Variants in IREB2 observed in about 807,000 individuals in gnomAD.
IREB2 encodes iron-responsive element-binding protein 2.
In IREB2, 39 loss-of-function variants were observed where a neutral mutation model predicts 118.8. That is an observed-to-expected ratio of 0.33 (90% CI 0.25 to 0.43). The LOEUF is 0.43. Among genes scored for constraint, IREB2 ranks in the 20% least tolerant of loss-of-function variants. IREB2 has a pLI of 1.00. For synonymous variants in IREB2, 372 were observed against 392.2 expected, an observed-to-expected ratio of 0.95 and a Z score of 0.61; for missense variants, 900 against 1,147.3, an observed-to-expected ratio of 0.78 and a Z score of 3.11.
rs2051415605 is a variant in IREB2, at chr15:78,473,566, A to C, written c.1023+185A>C. 13 of 563,248 alleles carry C rather than the reference A, an allele frequency of 2.3e-5. No homozygotes were observed. The South Asian group carries it at 3.0e-4, about 13-fold the overall frequency. The allele number at this position is 563,248 out of a possible 1,614,324, so 34.9% of individuals were successfully genotyped here. On this transcript the variant is annotated intron_variant, in intron 8 of 21. Transcript: ENST00000258886. ...GCATTTAGTTTGTACTAATAAATACAAAGAAATTTGTTGTGTTCACTTATG... is the reference window on the plus strand; with the variant it reads ...GCATTTAGTTTGTACTAATAAATACCAAGAAATTTGTTGTGTTCACTTATG...
chr15:78,469,726 A>G (rs1010976746), intron 5 of IREB2, among the ~76,000 whole-genome samples: 3 of 151,186 alleles, frequency 2.0e-5, no homozygotes, highest in African/African-American at 7.3e-5. Flanking sequence ...CTCCGTCTCA[A>G]AAAAAAAAGG....
intron 7 of IREB2, among the ~76,000 whole-genome samples, chr15:78,472,735 C>T (rs902414923): frequency 3.9e-5 from 6 of 152,166 alleles, no homozygotes; most frequent in East Asian, 1.9e-4. Flanking sequence ...TTCTGCCGAC[C>T]GTGACTTTGT....
intron 2 of IREB2, among the ~76,000 whole-genome samples, chr15:78,447,477 C>T (rs1365588071): frequency 3.3e-5 from 5 of 151,974 alleles, no homozygotes; most frequent in Non-Finnish European, 7.4e-5. Flanking sequence ...ATTACAGGTG[C>T]GTGCCACCAT....
intron 4 of IREB2, 81 bp downstream of exon 4, chr15:78,465,469 A>C (rs1480154813): frequency 1.6e-6 from 2 of 1,283,098 alleles, no homozygotes; most frequent in Non-Finnish European, 2.2e-6. Context: ...AGGAATAGAG[A>C]TAATTTATGG....
chr15:78,492,221 T>C (rs1161479141), intron 18 of IREB2, among the ~76,000 whole-genome samples: 1 of 152,186 alleles, frequency 6.6e-6, no homozygotes, highest in Non-Finnish European at 1.5e-5. Context: ...TAAAAAGTTA[T>C]ATATGGTCAC....
intron 2 of IREB2, among the ~76,000 whole-genome samples, chr15:78,447,119 G>A (rs80151116): frequency 6.6e-6 from 1 of 151,928 alleles, no homozygotes; most frequent in African/African-American, 2.4e-5. Context: ...TAGAACCCAT[G>A]ATTCTGGCTT....
rs2051699009 is a variant in IREB2 at position 78,488,632 on chromosome 15, A to C, written c.1952-15A>C. 6.3e-7 allele frequency: 1 copy of C among 1,583,684 alleles called. No homozygotes were observed. Among genetic ancestry groups the C allele is most frequent in the Admixed American group, 2.0e-5 (1 of 50,400 alleles). On this transcript the variant is annotated splice_polypyrimidine_tract_variant and intron_variant, in intron 15 of 21. Coordinates refer to ENST00000258886, the MANE Select transcript of IREB2 (RefSeq NM_004136.4). ...TATTTTTTTACTGAGTATCATGTTC[A>C]AAAATTTTAACCAGGTACTGACCCC...
chr15:78,460,391 C>G (rs1000379954), intron 2 of IREB2, among the ~76,000 whole-genome samples: 2 of 152,172 alleles, frequency 1.3e-5, no homozygotes, highest in Non-Finnish European at 2.9e-5. Flanking sequence ...CCTAGCAACT[C>G]TCATTGGTGA....
intron 2 of IREB2, among the ~76,000 whole-genome samples, chr15:78,458,666 A>G (rs912404739): frequency 6.6e-6 from 1 of 151,928 alleles, no homozygotes; most frequent in African/African-American, 2.4e-5. Flanking sequence ...CCCTCATAGC[A>G]CCTGCCACTG....
intron 9 of IREB2, among the ~76,000 whole-genome samples, chr15:78,476,865 C>A (rs1362720440): frequency 6.6e-6 from 1 of 152,170 alleles, no homozygotes; most frequent in Non-Finnish European, 1.5e-5. Context: ...CTTCCATTGG[C>A]TGTTTAGATT....
At chr15:78,495,546 A>G (rs1459891634) in intron 20 of IREB2, among the ~76,000 whole-genome samples, 1 of 152,164 alleles carries the variant, frequency 6.6e-6, no homozygotes, top group Non-Finnish European at 1.5e-5. Flanking sequence ...CTCTGAGGCC[A>G]TTCAGTTTCT....
In IREB2 at chr15:78,494,071, A is replaced by G; in HGVS notation, c.2472+15A>G. 1 of 1,613,610 alleles carries G rather than the reference A, an allele frequency of 6.2e-7. No homozygotes were observed. Among genetic ancestry groups the G allele is most frequent in the Non-Finnish European group, 8.5e-7 (1 of 1,179,822 alleles). ...CAGGACAGACGGTGAGAATGCAAAC[A>G]AAGTATTTAGACAATTTATAACTGG... On this transcript the variant is annotated intron_variant, in intron 19 of 21. Transcript: ENST00000258886.
chr15:78,461,760 A>G (rs2009746), intron 2 of IREB2, among the ~76,000 whole-genome samples: 43,712 of 152,096 alleles, frequency 0.29, 6,717 homozygotes, highest in Middle Eastern at 0.4. Context: ...AGCTCTCATT[A>G]GCTACTCTGA....
At chr15:78,455,759 A>T (rs2141464807) in intron 2 of IREB2, among the ~76,000 whole-genome samples, 1 of 152,320 alleles carries the variant, frequency 6.6e-6, no homozygotes, top group East Asian at 1.9e-4. Flanking sequence ...ACTGCAGATG[A>T]TATTGTTGGA....
At chr15:78,483,083 T>C (rs2141510318) in intron 10 of IREB2, among the ~76,000 whole-genome samples, 1 of 152,302 alleles carries the variant, frequency 6.6e-6, no homozygotes, top group South Asian at 2.1e-4. Flanking sequence ...GGTAGTTTAA[T>C]TGCATACTGA....
rs760469995 is a variant in IREB2 at position 78,490,776 on chromosome 15, C to T, written c.2324+15C>T. 1 of 1,605,266 alleles carries T rather than the reference C, an allele frequency of 6.2e-7. No individual in the cohort carries two copies. The stretch of plus-strand genomic sequence containing the variant: ...ACAAACAGAGGGTATGTGTACATGG[C>T]TTTAGAGTGTTTTTGTTTTTTCTTG... On this transcript the variant is annotated intron_variant, in intron 18 of 21. Coordinates refer to ENST00000258886, the MANE Select transcript of IREB2 (RefSeq NM_004136.4).
At position 78,466,457 on chromosome 15, in the gene IREB2, C is replaced by T. The variant is rs141249315; in HGVS notation, c.597C>T (p.Ile199=). 1.7e-5 allele frequency: 27 copies of T among 1,613,870 alleles called. No individual in the cohort carries two copies. The African/African-American group carries it at 3.3e-4, about 20-fold the overall frequency. ...CTTCGCAGATTGAGAATACACCCAT[C>T]CTGTGTCCTTTTCATTTGCAACCAG... ...TFSSQIENTP[I]LCPFHLQPVP... is the part of the protein sequence containing the mutation. The change falls in exon 5 of 22, where the codon ATC becomes ATT. Residue 199 remains isoleucine, a synonymous_variant. Coordinates refer to ENST00000258886, the MANE Select transcript of IREB2 (RefSeq NM_004136.4).
chr15:78,498,056 C>T lies in IREB2; in HGVS notation c.2805C>T (p.Ser935=), dbSNP rs1201675771. The stretch of plus-strand genomic sequence containing the variant: ...AGACAAGCACTGGAAAAGTATTCAG[C>T]GTGATTGCTTCGTTTGAAGATGATG... ...NIQTSTGKVF[S]VIASFEDDVE... is the part of the protein sequence containing the mutation. Residue 935 remains serine, a synonymous_variant, in exon 22 of 22, where the codon AGC becomes AGT. Transcript: ENST00000258886. 3 of 1,611,340 alleles carry T rather than the reference C, an allele frequency of 1.9e-6. No individual in the cohort carries two copies. Among genetic ancestry groups the T allele is most frequent in the Non-Finnish European group, 2.5e-6 (3 of 1,177,692 alleles).
chr15:78,469,417 T>C (rs542251889), intron 5 of IREB2, among the ~76,000 whole-genome samples: 1 of 151,952 alleles, frequency 6.6e-6, no homozygotes, highest in African/African-American at 2.4e-5. Context: ...AAGTAATCTT[T>C]GTTTAAAAAA....
Sources: allele counts gnomAD v4.1 joint callset (sites outside exome capture counted in the v4.1 genomes callset), GRCh38; gene constraint gnomAD v4.1.1; transcripts MANE v1.5; gene names NCBI Gene and HGNC (gene_info 2026-07-23, HGNC 2026-07-21).